Variants in GALNT13 observed in about 807,000 individuals in gnomAD.
The protein encoded by GALNT13 is UDP-GalNAc:polypeptide N-acetylgalactosaminyltransferase 13.
Under a neutral mutation model 64.2 loss-of-function variants are expected in GALNT13, and 28 were observed. That is an observed-to-expected ratio of 0.44 (90% CI 0.32 to 0.60). GALNT13 has a LOEUF of 0.60. Among genes scored for constraint, GALNT13 ranks in the 20% least tolerant of loss-of-function variants. The pLI, the probability that GALNT13 is intolerant of heterozygous loss-of-function variation, is 0.05. For missense variants in GALNT13, 577 were observed against 669.8 expected (o/e 0.86, Z 1.53); for synonymous variants, 214 against 224.6 (o/e 0.95, Z 0.42).
the GALNT13 span, among the ~76,000 whole-genome samples, chr2:153,245,089 G>T: frequency 6.6e-6 from 1 of 152,220 alleles, no homozygotes; most frequent in Admixed American, 6.5e-5. Flanking sequence ...ACTGCGCAGG[G>T]GATCTCTGAA....
chr2:153,228,869 CAAAAAAAA>C, the GALNT13 span, among the ~76,000 whole-genome samples: 1 of 68,630 alleles, frequency 1.5e-5, no homozygotes, highest in African/African-American at 6.0e-5. Flanking sequence ...GAGACTGTCT[CAAAAAAAA>C]AAAAAAAAAA....
the GALNT13 span, among the ~76,000 whole-genome samples, chr2:153,440,120 G>GC: frequency 1.3e-5 from 2 of 151,548 alleles, no homozygotes; most frequent in Admixed American, 1.3e-4. Flanking sequence ...CCCCCAACAG[G>GC]CCACAGTGGG....
chr2:154,324,339 G>A (rs1429666031), intron 9 of GALNT13, among the ~76,000 whole-genome samples: 1 of 151,636 alleles, frequency 6.6e-6, no homozygotes, highest in Non-Finnish European at 1.5e-5. Context: ...AAAATTACAT[G>A]CAAAGGGTAT....
At chr2:154,437,872 C>A (rs866831856) in intron 11 of GALNT13, 20 of 202,206 alleles carry the variant, frequency 9.9e-5, no homozygotes, top group Middle Eastern at 7.7e-4. Flanking sequence ...AAAAAAAAAA[C>A]CCTCATGAAA....
the GALNT13 span, among the ~76,000 whole-genome samples, chr2:153,154,727 T>A: frequency 2.6e-5 from 4 of 152,150 alleles, no homozygotes; most frequent in Non-Finnish European, 5.9e-5. Context: ...TTTATTTCTC[T>A]CTCTTGCCTG....
At chr2:154,043,555 G>A (rs1334966326) in intron 3 of GALNT13, among the ~76,000 whole-genome samples, 2 of 149,802 alleles carry the variant, frequency 1.3e-5, no homozygotes, top group Admixed American at 6.7e-5. Context: ...TATACATATA[G>A]GCATTAGAGA....
intron 8 of GALNT13, among the ~76,000 whole-genome samples, chr2:154,270,761 C>T (rs1036056173): frequency 5.9e-5 from 9 of 151,666 alleles, no homozygotes; most frequent in Non-Finnish European, 1.2e-4. Context: ...GCCCAGTAGA[C>T]ACAAAGCAGT....
chr2:153,228,046 C>A, the GALNT13 span, among the ~76,000 whole-genome samples: 1 of 152,176 alleles, frequency 6.6e-6, no homozygotes, highest in Non-Finnish European at 1.5e-5. Context: ...ACTAACAATG[C>A]TCTTAAATAC....
At chr2:154,000,711 A>G (rs1052900526) in intron 3 of GALNT13, among the ~76,000 whole-genome samples, 1 of 152,006 alleles carries the variant, frequency 6.6e-6, no homozygotes, top group Non-Finnish European at 1.5e-5. Flanking sequence ...GACCTAAAGT[A>G]TGGTCTATAC....
At chr2:153,118,147 C>CACACACACACACACACACACA in the GALNT13 span, among the ~76,000 whole-genome samples, 9 of 140,264 alleles carry the variant, frequency 6.4e-5, no homozygotes, top group South Asian at 2.3e-4. Context: ...ACACACACAC[C>CACACACACACACACACACACA]CCACATAAAC....
At chr2:153,268,141 A>G in the GALNT13 span, among the ~76,000 whole-genome samples, 5 of 152,236 alleles carry the variant, frequency 3.3e-5, no homozygotes, top group Non-Finnish European at 7.3e-5. Context: ...CCAAAGTGTC[A>G]TCTGAGACAA....
chr2:154,177,944 A>G (rs1221687893), intron 4 of GALNT13, among the ~76,000 whole-genome samples: 1 of 152,142 alleles, frequency 6.6e-6, no homozygotes, highest in African/African-American at 2.4e-5. Flanking sequence ...TGATTTATAT[A>G]CTTCTGGCTT....
chr2:154,378,631 G>A (rs946773202), intron 9 of GALNT13, among the ~76,000 whole-genome samples: 2 of 151,834 alleles, frequency 1.3e-5, no homozygotes, highest in Non-Finnish European at 2.9e-5. Context: ...ATTTTTCTTC[G>A]CACCCATTGA....
chr2:153,539,492 C>A, the GALNT13 span, among the ~76,000 whole-genome samples: 2 of 151,838 alleles, frequency 1.3e-5, no homozygotes, highest in Non-Finnish European at 2.9e-5. Context: ...AATGGTAATG[C>A]CTAGGTTTTC....
the GALNT13 span, among the ~76,000 whole-genome samples, chr2:153,860,706 T>C: frequency 6.6e-6 from 1 of 152,168 alleles, no homozygotes; most frequent in South Asian, 2.1e-4. Context: ...ATGCTATTTA[T>C]CGGGCTCTCA....
At chr2:153,736,035 A>G in the GALNT13 span, among the ~76,000 whole-genome samples, 1 of 152,180 alleles carries the variant, frequency 6.6e-6, no homozygotes, top group Non-Finnish European at 1.5e-5. Context: ...TCAAACTTTC[A>G]TCTACTAATT....
At chr2:153,307,704 A>T in the GALNT13 span, among the ~76,000 whole-genome samples, 2 of 152,116 alleles carry the variant, frequency 1.3e-5, no homozygotes, top group Admixed American at 1.3e-4. Flanking sequence ...AAAAAATCAA[A>T]ATTGTATTAT....
chr2:153,847,158 CACAATG>C, the GALNT13 span, among the ~76,000 whole-genome samples: 1 of 151,862 alleles, frequency 6.6e-6, no homozygotes, highest in Non-Finnish European at 1.5e-5. Context: ...GAACACCTTT[CACAATG>C]ACAAAGGGGT....
the GALNT13 span, among the ~76,000 whole-genome samples, chr2:153,409,042 A>G: frequency 1.3e-5 from 2 of 152,076 alleles, no homozygotes; most frequent in African/African-American, 4.8e-5. Flanking sequence ...CCAGACTCCA[A>G]GTTCTTCGGC....
Sources: allele counts gnomAD v4.1 joint callset (sites outside exome capture counted in the v4.1 genomes callset), GRCh38; gene constraint gnomAD v4.1.1; transcripts MANE v1.5; gene names NCBI Gene and HGNC (gene_info 2026-07-23, HGNC 2026-07-21).